Variants in PAX5 observed in about 807,000 individuals in gnomAD.
The protein encoded by PAX5 is paired box 5, also known as paired box protein Pax-5.
In PAX5, 9 loss-of-function variants were observed where a neutral mutation model predicts 43.7. The ratio of observed to expected loss-of-function variants is 0.21; its 90% CI spans 0.12 to 0.36. The LOEUF (loss-of-function observed/expected upper bound fraction) is 0.36. Among genes scored for constraint, PAX5 ranks in the 10% least tolerant of loss-of-function variants. The pLI, the probability that PAX5 is intolerant of heterozygous loss-of-function variation, is 1.00. For missense variants in PAX5, 383 were observed against 532.7 expected, an observed-to-expected ratio of 0.72 and a Z score of 2.77; for synonymous variants, 228 against 214.3, an observed-to-expected ratio of 1.06 and a Z score of -0.56.
At position 36,882,486 on chromosome 9, in the gene PAX5, C is replaced by T. The variant is rs145580266; in HGVS notation, c.911-381G>A. On this transcript the variant is annotated intron_variant, in intron 7 of 9. Coordinates refer to ENST00000358127, the MANE Select transcript of PAX5 (RefSeq NM_016734.3). This position sits in a 1 kb window ranked among gnomAD's most constrained non-coding sequence, Gnocchi z 4.4. ...AATGGCTGGGACCTCTCCATCTCCA[C>T]ACTGTTGTTTCTGCTATGTCCTTTG... Among the ~76,000 whole-genome samples, 1 of 152,328 alleles carries T rather than the reference C, an allele frequency of 6.6e-6. No individual in the cohort carries two copies. Among genetic ancestry groups the T allele is most frequent in the African/African-American group, 2.4e-5 (1 of 41,564 alleles).
chr9:36,916,302 G>C lies in PAX5; in HGVS notation c.910+7053C>G, dbSNP rs10120397. On this transcript the variant is annotated intron_variant, in intron 7 of 9. Coordinates refer to ENST00000358127, the MANE Select transcript of PAX5 (RefSeq NM_016734.3). ...TATTTCTGAATTTTCTATGCTGTTC[G>C]TCTGTTTACTTCAGTTTCAGTAACA... Among the ~76,000 whole-genome samples the C allele has an allele frequency of 5.3e-5, 8 of 152,096 alleles. No homozygotes were observed. In the East Asian group the frequency reaches 1.5e-3, roughly 29 times the overall value.
intron 8 of PAX5, among the ~76,000 whole-genome samples, chr9:36,875,092 C>A (rs2131726236): frequency 6.6e-6 from 1 of 152,296 alleles, no homozygotes; most frequent in Non-Finnish European, 1.5e-5. Flanking sequence ...GGCTCAGGTC[C>A]ATGCTCTTAA....
chr9:36,965,431 C>G (rs1172016932), intron 6 of PAX5, among the ~76,000 whole-genome samples: 1 of 152,226 alleles, frequency 6.6e-6, no homozygotes, highest in Non-Finnish European at 1.5e-5. Context: ...GTTTTACCAT[C>G]TGAAAACAAA....
chr9:36,980,330 C>T (rs1835805019), intron 5 of PAX5, among the ~76,000 whole-genome samples: 1 of 152,196 alleles, frequency 6.6e-6, no homozygotes, highest in African/African-American at 2.4e-5. Flanking sequence ...AATGGACTTC[C>T]CTCTGCCTGT....
At chr9:36,888,930 C>G (rs1469332351) in intron 7 of PAX5, among the ~76,000 whole-genome samples, 1 of 152,202 alleles carries the variant, frequency 6.6e-6, no homozygotes, top group Admixed American at 6.5e-5. Context: ...GGCTTCAAAT[C>G]TTAGCTCCAC....
intron 8 of PAX5, 138 bp downstream of exon 8, chr9:36,881,866 G>C: frequency 1.4e-6 from 1 of 696,710 alleles, no homozygotes. Flanking sequence ...CAGCTGCAGA[G>C]AGTGCAGACC....
Position 36,966,719 on chromosome 9 carries a change from G to A in PAX5, c.610C>T (p.Gln204Ter). ...TNKRKRDEGI[Q>*]ESPVPNGHSL... Reference sequence around the variant, plus strand: ...TGGCCGTTCGGCACCGGAGACTCCTGAATACCTTTGATGAGCAGGAGAGAG... The same window carrying A: ...TGGCCGTTCGGCACCGGAGACTCCTAAATACCTTTGATGAGCAGGAGAGAG... Residue 204 changes from glutamine to a stop codon, truncating the protein, a stop_gained, in exon 6 of 10, where the codon CAG (glutamine) becomes TAG (stop). Transcript: ENST00000358127. LOFTEE classifies it high-confidence loss of function. 6.2e-7 allele frequency: 1 copy of A among 1,613,944 alleles called. No homozygotes were observed. Among genetic ancestry groups the A allele is most frequent in the Non-Finnish European group, 8.5e-7 (1 of 1,179,892 alleles).
rs1821506982 is a variant in PAX5, at chr9:36,834,473, A to G, written c.*6087T>C. On this transcript the variant is annotated 3_prime_UTR_variant, in exon 10 of 10. Transcript: ENST00000358127. The stretch of plus-strand genomic sequence containing the variant: ...GTGTGTTTACATGCTCGTGCACCTT[A>G]TGGAGGGGAAGGCCAGATTCTGAGG... 2 of 231,800 alleles carry G rather than the reference A, an allele frequency of 8.6e-6. No homozygotes were observed. Among genetic ancestry groups the G allele is most frequent in the Middle Eastern group, 1.3e-3 (1 of 784 alleles). 14.4% of individuals were successfully genotyped at this position (231,800 alleles called of 1,614,324 possible).
intron 8 of PAX5, among the ~76,000 whole-genome samples, chr9:36,851,031 G>A (rs1032892098): frequency 5.9e-5 from 9 of 152,226 alleles, no homozygotes; most frequent in Non-Finnish European, 8.8e-5. Context: ...CTGAAAGCAC[G>A]CTCTGCCATC....
At chr9:36,930,686 C>A (rs763413734) in intron 6 of PAX5, among the ~76,000 whole-genome samples, 15 of 152,064 alleles carry the variant, frequency 9.9e-5, no homozygotes, top group Non-Finnish European at 1.6e-4. Flanking sequence ...CTCATTTTCA[C>A]CATGAGTAAA....
At position 36,837,973 on chromosome 9, in the gene PAX5, G is replaced by T. The variant is rs1821758832; in HGVS notation, c.*2587C>A. 1 of 233,254 alleles carries T rather than the reference G, an allele frequency of 4.3e-6. No individual in the cohort carries two copies. Among genetic ancestry groups the T allele is most frequent in the Non-Finnish European group, 8.5e-6 (1 of 118,106 alleles). The allele number at this position is 233,254 out of a possible 1,614,324, so 14.4% of individuals were successfully genotyped here. On this transcript the variant is annotated 3_prime_UTR_variant, in exon 10 of 10. Coordinates refer to ENST00000358127, the MANE Select transcript of PAX5 (RefSeq NM_016734.3). Reference sequence around the variant, plus strand: ...GATGTGGGTACACATCATTCCAAAAGAAGGGTGACAGGGGGCAGAGGCTCA... The same window carrying T: ...GATGTGGGTACACATCATTCCAAAATAAGGGTGACAGGGGGCAGAGGCTCA...
chr9:36,967,093 T>C (rs1385211435), intron 5 of PAX5, among the ~76,000 whole-genome samples: 2 of 152,210 alleles, frequency 1.3e-5, no homozygotes, highest in Non-Finnish European at 2.9e-5. Context: ...ACAGGCTTAG[T>C]CATCCGGTGC....
In PAX5 at chr9:37,014,985, C is replaced by A. The variant is rs776236344; in HGVS notation, c.410+12G>T. On this transcript the variant is annotated intron_variant, in intron 3 of 9. Coordinates refer to ENST00000358127, the MANE Select transcript of PAX5 (RefSeq NM_016734.3). Reference sequence around the variant, plus strand: ...TCCAAATCCCCAACCCCCACAGGCACGAGCCCCTCACCTGTTGATGGAACT... The same window carrying A: ...TCCAAATCCCCAACCCCCACAGGCAAGAGCCCCTCACCTGTTGATGGAACT... 2 of 1,610,250 alleles carry A rather than the reference C, an allele frequency of 1.2e-6. No individual in the cohort carries two copies. Among genetic ancestry groups the A allele is most frequent in the South Asian group, 2.2e-5 (2 of 90,852 alleles).
At chr9:36,990,804 C>T (rs1836866815) in intron 5 of PAX5, among the ~76,000 whole-genome samples, 1 of 152,200 alleles carries the variant, frequency 6.6e-6, no homozygotes, top group Non-Finnish European at 1.5e-5. Flanking sequence ...GCCCCTGCTT[C>T]CCGCTAATTT....
chr9:36,978,440 TGC>T (rs895888865), intron 5 of PAX5, among the ~76,000 whole-genome samples: 3 of 152,322 alleles, frequency 2.0e-5, no homozygotes, highest in African/African-American at 7.2e-5. Flanking sequence ...CTGGAAGGGA[TGC>T]ATACATCCCT....
intron 3 of PAX5, among the ~76,000 whole-genome samples, chr9:37,008,333 C>T (rs931648761): frequency 3.3e-5 from 5 of 152,224 alleles, no homozygotes; most frequent in African/African-American, 1.2e-4. Context: ...GGATTACAGG[C>T]GTGAGCCACC....
At chr9:37,004,401 CTA>C (rs1294964132) in intron 4 of PAX5, among the ~76,000 whole-genome samples, 1 of 152,204 alleles carries the variant, frequency 6.6e-6, no homozygotes, top group African/African-American at 2.4e-5. Flanking sequence ...CTTCCTTGGG[CTA>C]TAACCAGCTG....
intron 5 of PAX5, among the ~76,000 whole-genome samples, chr9:36,969,724 C>A (rs1333026071): frequency 6.6e-6 from 1 of 152,168 alleles, no homozygotes; most frequent in Non-Finnish European, 1.5e-5. Flanking sequence ...TGGCTCATGC[C>A]TGTAATTCTG....
rs1290147409 is a variant in PAX5, at chr9:36,836,687, T to A, written c.*3873A>T. Reference sequence around the variant, plus strand: ...GGGACTTGAGATTGTGATCTGTGTTTCCAGGGGCTGTGGACACCCTGGTGG... The same window carrying A: ...GGGACTTGAGATTGTGATCTGTGTTACCAGGGGCTGTGGACACCCTGGTGG... On this transcript the variant is annotated 3_prime_UTR_variant, in exon 10 of 10. Coordinates refer to ENST00000358127, the MANE Select transcript of PAX5 (RefSeq NM_016734.3). The A allele has an allele frequency of 4.3e-6, 1 of 232,052 alleles. No homozygotes were observed. The highest frequency in any genetic ancestry group is 8.5e-6 in the Non-Finnish European group (1 of 117,388). 14.4% of individuals were successfully genotyped at this position (232,052 alleles called of 1,614,324 possible).
Sources: gnomAD v4.1 joint callset for allele counts (sites outside exome capture counted in the v4.1 genomes callset) on GRCh38, gnomAD v4.1.1 for gene constraint, Gnocchi (gnomAD v3.1) non-coding constraint, MANE v1.5 for transcripts, NCBI Gene and HGNC (gene_info 2026-07-23, HGNC 2026-07-21) for gene names.